The following GALNT13 variants were observed in gnomAD, a reference collection of about 807,000 sequenced individuals.
GALNT13 encodes UDP-GalNAc:polypeptide N-acetylgalactosaminyltransferase 13.
A neutral mutation model predicts 64.2 loss-of-function variants in GALNT13; 28 were observed. That is an observed-to-expected ratio of 0.44 (90% CI 0.32 to 0.60). The LOEUF (loss-of-function observed/expected upper bound fraction) is 0.60, where lower values mean the gene tolerates loss of function less well. Ranked by LOEUF, GALNT13 falls within the 20% of genes least tolerant of loss-of-function variation. The probability of loss-of-function intolerance (pLI) is 0.05; values close to 1 mark genes in which losing one functional copy is unlikely to be tolerated. For synonymous variants in GALNT13, 214 were observed against 224.6 expected (o/e 0.95, Z 0.42); for missense variants, 577 against 669.8 (o/e 0.86, Z 1.53).
At chr2:154,280,793 G>C (rs1691922148) in intron 8 of GALNT13, among the ~76,000 whole-genome samples, 2 of 152,204 alleles carry the variant, frequency 1.3e-5, no homozygotes, top group African/African-American at 4.8e-5. Context: ...AGAAGCAGCA[G>C]ATGTTACTGA....
chr2:153,080,957 T>C, the GALNT13 span, among the ~76,000 whole-genome samples: 1 of 152,036 alleles, frequency 6.6e-6, no homozygotes, highest in Non-Finnish European at 1.5e-5. Context: ...TTATTTGCAT[T>C]TTCCTTGTAT....
At chr2:153,161,984 T>C in the GALNT13 span, among the ~76,000 whole-genome samples, 1 of 152,174 alleles carries the variant, frequency 6.6e-6, no homozygotes, top group Non-Finnish European at 1.5e-5. Flanking sequence ...ATTGCTAAGA[T>C]TGATTGTTGG....
At chr2:153,539,773 C>T in the GALNT13 span, among the ~76,000 whole-genome samples, 2 of 151,664 alleles carry the variant, frequency 1.3e-5, no homozygotes, top group Non-Finnish European at 2.9e-5. Context: ...GGTACCAGTA[C>T]CATGCTGTTT....
At chr2:153,683,018 TG>T in the GALNT13 span, among the ~76,000 whole-genome samples, 2 of 151,754 alleles carry the variant, frequency 1.3e-5, no homozygotes, top group African/African-American at 4.8e-5. Flanking sequence ...TCCAGGTGAA[TG>T]ATTAGGAAAA....
chr2:153,886,259 C>T (rs1356330740), intron 1 of GALNT13, among the ~76,000 whole-genome samples: 6 of 150,394 alleles, frequency 4.0e-5, no homozygotes, highest in East Asian at 2.0e-4. Flanking sequence ...ATGTGCACAA[C>T]GTGCAGGTTT....
intron 11 of GALNT13, chr2:154,437,415 AT>A: frequency 1.8e-6 from 1 of 550,658 alleles, no homozygotes; most frequent in Non-Finnish European, 2.6e-6. Flanking sequence ...ATTTCATCAG[AT>A]ATCTTTGAGA....
chr2:153,855,986 T>C, the GALNT13 span, among the ~76,000 whole-genome samples: 2 of 152,196 alleles, frequency 1.3e-5, no homozygotes, highest in African/African-American at 2.4e-5. Flanking sequence ...CACAGTGTTA[T>C]GATTCCATTT....
chr2:154,161,956 T>C (rs57978191), intron 4 of GALNT13, among the ~76,000 whole-genome samples: 24,914 of 151,934 alleles, frequency 0.16, 3,771 homozygotes, highest in East Asian at 0.74. Context: ...AATTTTTTTG[T>C]ATTTTTAGTA....
chr2:154,330,461 G>A (rs1574099115), intron 9 of GALNT13, among the ~76,000 whole-genome samples: 1 of 152,082 alleles, frequency 6.6e-6, no homozygotes, highest in South Asian at 2.1e-4. Context: ...GCTAAATATG[G>A]TAAGACAGAC....
chr2:153,401,426 T>C, the GALNT13 span, among the ~76,000 whole-genome samples: 1 of 151,520 alleles, frequency 6.6e-6, no homozygotes, highest in Non-Finnish European at 1.5e-5. Flanking sequence ...GAGAGCTCTG[T>C]AGATGTCTAT....
chr2:153,560,019 A>G, the GALNT13 span, among the ~76,000 whole-genome samples: 1 of 152,046 alleles, frequency 6.6e-6, no homozygotes, highest in East Asian at 1.9e-4. Flanking sequence ...TTGAAGCTCA[A>G]TTTCATATAA....
chr2:154,267,941 A>G (rs908465656), intron 8 of GALNT13, among the ~76,000 whole-genome samples: 16 of 152,168 alleles, frequency 1.1e-4, no homozygotes, highest in African/African-American at 3.9e-4. Flanking sequence ...AGATTACACT[A>G]TGCATTTATT....
the GALNT13 span, among the ~76,000 whole-genome samples, chr2:153,660,882 C>A: frequency 3.3e-5 from 5 of 152,086 alleles, no homozygotes; most frequent in African/African-American, 1.2e-4. Context: ...CAAGGCAAGT[C>A]ACATGACCAA....
chr2:154,193,550 C>G (rs781201109), intron 4 of GALNT13, among the ~76,000 whole-genome samples: 1 of 152,204 alleles, frequency 6.6e-6, no homozygotes, highest in African/African-American at 2.4e-5. Flanking sequence ...GCCTGATTAC[C>G]TCCAGATTCC....
chr2:153,302,549 G>A, the GALNT13 span, among the ~76,000 whole-genome samples: 2 of 151,884 alleles, frequency 1.3e-5, no homozygotes, highest in African/African-American at 2.4e-5. Context: ...TGTTTTCTTG[G>A]CTGTTCAGAA....
At chr2:153,089,742 T>C in the GALNT13 span, among the ~76,000 whole-genome samples, 1 of 152,266 alleles carries the variant, frequency 6.6e-6, no homozygotes, top group Middle Eastern at 3.4e-3. Flanking sequence ...TTCCAGTATA[T>C]TTTGTACTTC....
intron 9 of GALNT13, among the ~76,000 whole-genome samples, chr2:154,341,531 G>T (rs1005216609): frequency 3.3e-5 from 5 of 152,058 alleles, no homozygotes; most frequent in African/African-American, 1.2e-4. Context: ...ACATAGGTGG[G>T]ACTGTCATGC....
chr2:154,289,332 A>G (rs1276296401), intron 8 of GALNT13, among the ~76,000 whole-genome samples: 1 of 152,162 alleles, frequency 6.6e-6, no homozygotes, highest in Non-Finnish European at 1.5e-5. Flanking sequence ...AATTTACTAT[A>G]TTAGTCCATT....
At chr2:153,675,200 A>G in the GALNT13 span, among the ~76,000 whole-genome samples, 1 of 152,222 alleles carries the variant, frequency 6.6e-6, no homozygotes, top group Non-Finnish European at 1.5e-5. Context: ...TACTGGGTAT[A>G]TACCCAAAGG....
Sources: gnomAD v4.1 joint callset for allele counts (sites outside exome capture counted in the v4.1 genomes callset) on GRCh38, gnomAD v4.1.1 for gene constraint, MANE v1.5 for transcripts, NCBI Gene and HGNC (gene_info 2026-07-23, HGNC 2026-07-21) for gene names.